MAGI1: variants seen among roughly 807,000 people sequenced by gnomAD.
MAGI1 encodes membrane-associated guanylate kinase, WW and PDZ domain-containing protein 1.
A neutral mutation model predicts 139.9 loss-of-function variants in MAGI1; 58 were observed. The ratio of observed to expected loss-of-function variants is 0.41; its 90% CI spans 0.34 to 0.52. The LOEUF is 0.52. Ranked by LOEUF, MAGI1 falls within the 20% of genes least tolerant of loss-of-function variation. The pLI is 0.12. For synonymous variants in MAGI1, 812 were observed against 737.9 expected, an observed-to-expected ratio of 1.10 and a Z score of -1.63; for missense variants, 1,874 against 1,901.6, an observed-to-expected ratio of 0.99 and a Z score of 0.27.
intron 22 of MAGI1, chr3:65,358,932 G>A (rs770537921): frequency 4.1e-5 from 34 of 836,984 alleles, no homozygotes; most frequent in East Asian, 2.2e-4. Context: ...CAGGGTCAGC[G>A]TTGTACTTAC....
intron 1 of MAGI1, among the ~76,000 whole-genome samples, chr3:65,909,640 G>A (rs901932798): frequency 3.9e-5 from 6 of 152,150 alleles, no homozygotes; most frequent in African/African-American, 1.2e-4. Context: ...AGGCTGCAGT[G>A]AGCTGTGATC....
intron 2 of MAGI1, among the ~76,000 whole-genome samples, chr3:65,567,483 T>C (rs1559677826): frequency 1.3e-5 from 2 of 152,178 alleles, no homozygotes; most frequent in Admixed American, 6.6e-5. Context: ...CGGAAAGCAT[T>C]GATGGAAAGC....
intron 2 of MAGI1, among the ~76,000 whole-genome samples, chr3:65,600,203 A>G (rs1290741878): frequency 6.6e-6 from 1 of 152,224 alleles, no homozygotes; most frequent in Non-Finnish European, 1.5e-5. Context: ...TTTGCAAGGA[A>G]TCTGCATAGA....
intron 1 of MAGI1, among the ~76,000 whole-genome samples, chr3:65,844,825 A>C (rs986078193): frequency 6.6e-6 from 1 of 152,154 alleles, no homozygotes; most frequent in African/African-American, 2.4e-5. Flanking sequence ...TTACCTACCA[A>C]TCACCCACTA....
chr3:65,844,559 T>C, intron 1 of MAGI1: 1 of 193,312 alleles, frequency 5.2e-6, no homozygotes, highest in Non-Finnish European at 1.0e-5. Context: ...AGCTCTGATC[T>C]TGCCAAAGAA....
chr3:65,881,929 C>G (rs896062191), intron 1 of MAGI1, among the ~76,000 whole-genome samples: 2 of 152,166 alleles, frequency 1.3e-5, no homozygotes, highest in African/African-American at 4.8e-5. Flanking sequence ...AGTGCCCATC[C>G]AAGGCCTGTC....
chr3:65,669,150 T>C (rs2086703737), intron 1 of MAGI1, among the ~76,000 whole-genome samples: 1 of 152,180 alleles, frequency 6.6e-6, no homozygotes, highest in Non-Finnish European at 1.5e-5. Flanking sequence ...TTGGCCAGGC[T>C]GGACTTGAAA....
intron 2 of MAGI1, among the ~76,000 whole-genome samples, chr3:65,547,841 C>G (rs2079578138): frequency 6.6e-6 from 1 of 152,150 alleles, no homozygotes; most frequent in African/African-American, 2.4e-5. Context: ...AACAGAATTA[C>G]AATCAGGTAT....
chr3:65,363,509 G>A lies in MAGI1; in HGVS notation c.3451C>T (p.Arg1151Cys), dbSNP rs141617754. 9 of 1,613,832 alleles carry A rather than the reference G, an allele frequency of 5.6e-6. No individual in the cohort carries two copies. Among genetic ancestry groups the A allele is most frequent in the South Asian group, 1.1e-5 (1 of 91,068 alleles). The change falls in exon 21 of 23, where the codon CGC becomes TGC. Residue 1151 changes from arginine to cysteine, a missense_variant. By Grantham distance (180) the Arg-to-Cys change is radical. Around this residue, in one of 5 missense-constraint regions of MAGI1, gnomAD observed 653 missense variants for 644.5 expected, o/e 1.01. Transcript: ENST00000402939. ...TCCGCAGGACCGTCCTCTGCTAAGC[G>A]CAGAACATAGAGGTCCATGTTATAC... ...REYNMDLYVL[R>C]LAEDGPAERC...
chr3:65,373,376 C>T (rs1942190216), intron 18 of MAGI1, among the ~76,000 whole-genome samples: 1 of 152,046 alleles, frequency 6.6e-6, no homozygotes, highest in East Asian at 1.9e-4. Flanking sequence ...CACCCCCAAA[C>T]AATTACAACA....
intron 1 of MAGI1, among the ~76,000 whole-genome samples, chr3:65,729,326 C>T (rs1362425356): frequency 1.3e-5 from 2 of 152,166 alleles, no homozygotes; most frequent in Admixed American, 6.5e-5. Flanking sequence ...AAAATATTTC[C>T]TGGCTGAAAG....
At chr3:65,812,369 C>T (rs958025559) in intron 1 of MAGI1, among the ~76,000 whole-genome samples, 1 of 151,910 alleles carries the variant, frequency 6.6e-6, no homozygotes. Context: ...TGGGGGCACA[C>T]ACTGCTGTGA....
At chr3:65,488,756 G>A (rs1462188379) in intron 3 of MAGI1, among the ~76,000 whole-genome samples, 3 of 151,528 alleles carry the variant, frequency 2.0e-5, no homozygotes, top group Non-Finnish European at 2.9e-5. Flanking sequence ...CTGCAGCCTC[G>A]AACTTCCCAG....
intron 1 of MAGI1, among the ~76,000 whole-genome samples, chr3:65,699,599 T>C (rs569679893): frequency 2.7e-5 from 4 of 147,490 alleles, no homozygotes; most frequent in Admixed American, 2.0e-4. Flanking sequence ...AAATTGGAAA[T>C]CATCATTCTC....
chr3:65,959,703 G>C (rs899657944), intron 1 of MAGI1, among the ~76,000 whole-genome samples: 2 of 147,052 alleles, frequency 1.4e-5, no homozygotes, highest in Non-Finnish European at 3.0e-5. Flanking sequence ...GGACTCAAGT[G>C]ATCCTCCCAT....
At chr3:65,388,716 C>A (rs577634820) in intron 14 of MAGI1, among the ~76,000 whole-genome samples, 1 of 151,852 alleles carries the variant, frequency 6.6e-6, no homozygotes, top group South Asian at 2.1e-4. Flanking sequence ...TTGCTACTAT[C>A]TATCCGTCAA....
intron 1 of MAGI1, among the ~76,000 whole-genome samples, chr3:65,965,898 C>T (rs1434002323): frequency 1.1e-4 from 16 of 152,152 alleles, no homozygotes; most frequent in Admixed American, 8.5e-4. Flanking sequence ...AGTGATCCGC[C>T]TGCCTCCACC....
intron 18 of MAGI1, chr3:65,371,904 T>A (rs1324338217): frequency 2.2e-6 from 1 of 449,318 alleles, no homozygotes; most frequent in Non-Finnish European, 4.5e-6. Context: ...CTTCTCTTGC[T>A]ATTTCCACCA....
chr3:65,979,094 C>CCCCCCT (rs1553742285), intron 1 of MAGI1, among the ~76,000 whole-genome samples: 1 of 53,018 alleles, frequency 1.9e-5, no homozygotes, highest in Admixed American at 2.9e-4. Context: ...TTCTTCCCCC[C>CCCCCCT]CCCCGCCACC....
Sources: allele counts gnomAD v4.1 joint callset (sites outside exome capture counted in the v4.1 genomes callset), GRCh38; gene constraint gnomAD v4.1.1; regional missense constraint gnomAD v4.1.1; transcripts MANE v1.5; gene names NCBI Gene and HGNC (gene_info 2026-07-23, HGNC 2026-07-21).